Variants in USP34 observed in about 807,000 individuals in gnomAD.
USP34 encodes the protein ubiquitin carboxyl-terminal hydrolase 34.
Under a neutral mutation model 460.3 loss-of-function variants are expected in USP34, and 70 were observed. The ratio of observed to expected loss-of-function variants is 0.15; its 90% CI spans 0.13 to 0.19. The LOEUF (loss-of-function observed/expected upper bound fraction) is 0.19. Among genes scored for constraint, USP34 ranks in the 10% least tolerant of loss-of-function variants. The pLI is 1.00. For synonymous variants in USP34, 1,647 were observed against 1,405.3 expected (o/e 1.17, Z -3.85); for missense variants, 3,985 against 4,236.2 (o/e 0.94, Z 1.65).
chr2:61,402,016 C>G (rs1693736206), intron 3 of USP34, among the ~76,000 whole-genome samples: 1 of 151,678 alleles, frequency 6.6e-6, no homozygotes, highest in Non-Finnish European at 1.5e-5. Context: ...CTTTGGAGGT[C>G]AAGGCAGGAG....
At chr2:61,263,675 G>C (rs1480117309) in intron 43 of USP34, among the ~76,000 whole-genome samples, 1 of 151,260 alleles carries the variant, frequency 6.6e-6, no homozygotes. Context: ...GTAGAGATGG[G>C]GTTTCACCAT....
chr2:61,428,021 C>T (rs185658050), intron 1 of USP34, among the ~76,000 whole-genome samples: 1 of 151,802 alleles, frequency 6.6e-6, no homozygotes, highest in African/African-American at 2.4e-5. Context: ...AAAAACTAGC[C>T]GGGCATGGTG....
chr2:61,430,086 G>A (rs1694624334), intron 1 of USP34, among the ~76,000 whole-genome samples: 1 of 152,122 alleles, frequency 6.6e-6, no homozygotes, highest in African/African-American at 2.4e-5. Context: ...GTGGTGGTGG[G>A]CACCTGTAGT....
At chr2:61,434,467 G>GT (rs1430859307) in intron 1 of USP34, among the ~76,000 whole-genome samples, 2 of 152,170 alleles carry the variant, frequency 1.3e-5, no homozygotes, top group Non-Finnish European at 1.5e-5. Context: ...CCTGGCCAGA[G>GT]TAACAGTCCT....
At chr2:61,279,089 G>C (rs1049318382) in intron 39 of USP34, among the ~76,000 whole-genome samples, 1 of 150,662 alleles carries the variant, frequency 6.6e-6, no homozygotes, top group East Asian at 1.9e-4. Context: ...AAATGGGCAA[G>C]CCCAGGTTGT....
rs571618904 is a variant in USP34 at position 61,356,748 on chromosome 2, T to C, written c.1252-6055A>G. On this transcript the variant is annotated intron_variant, in intron 10 of 79. Transcript: ENST00000398571. ...ATGAGGAGAGTTGTTGTTCAATGGGTACAGAGTTTCAGTTTTGCAATATAA... is the reference window on the plus strand; with the variant it reads ...ATGAGGAGAGTTGTTGTTCAATGGGCACAGAGTTTCAGTTTTGCAATATAA... Among the ~76,000 whole-genome samples the C allele has an allele frequency of 6.6e-5, 10 of 152,322 alleles. No individual in the cohort carries two copies. In the South Asian group the frequency reaches 1.0e-3, roughly 16 times the overall value.
chr2:61,368,797 G>A (rs1029809545), intron 10 of USP34, among the ~76,000 whole-genome samples: 5 of 152,092 alleles, frequency 3.3e-5, no homozygotes, highest in African/African-American at 1.2e-4. Flanking sequence ...GTTGTGAATG[G>A]AGAAGGCATT....
intron 33 of USP34, among the ~76,000 whole-genome samples, chr2:61,292,649 T>C (rs1253455515): frequency 6.6e-6 from 1 of 151,990 alleles, no homozygotes; most frequent in Non-Finnish European, 1.5e-5. Context: ...TCAAAGGCAA[T>C]TCAAAAAAAG....
At chr2:61,241,480 C>A (rs1688257789) in intron 53 of USP34, 80 bp downstream of exon 53, 1 of 996,108 alleles carries the variant, frequency 1.0e-6, no homozygotes. Flanking sequence ...ACCTGTAGAA[C>A]CTGTTCTTAC....
At chr2:61,391,879 T>A (rs1234523425) in intron 5 of USP34, among the ~76,000 whole-genome samples, 2 of 152,124 alleles carry the variant, frequency 1.3e-5, no homozygotes, top group African/African-American at 2.4e-5. Context: ...AGATGCCTAT[T>A]AAAGAGTTAC....
At chr2:61,312,946 T>A (rs1311232554) in intron 25 of USP34, among the ~76,000 whole-genome samples, 1 of 152,220 alleles carries the variant, frequency 6.6e-6, no homozygotes, top group Non-Finnish European at 1.5e-5. Flanking sequence ...AAGACATTAT[T>A]GTTTATTCCC....
chr2:61,377,531 A>C (rs1692832729), intron 8 of USP34, among the ~76,000 whole-genome samples: 1 of 152,134 alleles, frequency 6.6e-6, no homozygotes, highest in South Asian at 2.1e-4. Flanking sequence ...TGGAGCCTTC[A>C]TGAATGGGAT....
intron 38 of USP34, 75 bp downstream of exon 38, chr2:61,281,015 A>C: frequency 4.1e-6 from 6 of 1,469,354 alleles, no homozygotes; most frequent in Non-Finnish European, 5.5e-6. Context: ...AATTTTAAGG[A>C]TATATTACAA....
At chr2:61,260,584 A>C (rs1323797327) in intron 43 of USP34, among the ~76,000 whole-genome samples, 1 of 152,222 alleles carries the variant, frequency 6.6e-6, no homozygotes, top group Non-Finnish European at 1.5e-5. Flanking sequence ...AATTGAAGTC[A>C]AGATATGGAC....
At chr2:61,193,661 A>G (rs1686707769) in intron 75 of USP34, among the ~76,000 whole-genome samples, 3 of 152,216 alleles carry the variant, frequency 2.0e-5, no homozygotes, top group Non-Finnish European at 4.4e-5. Context: ...AAAGTACAGA[A>G]GCTTCATTAC....
chr2:61,348,956 C>A, intron 13 of USP34, 70 bp from the exon 14 acceptor site: 2 of 1,483,568 alleles, frequency 1.3e-6, no homozygotes, highest in Non-Finnish European at 9.0e-7. Context: ...ATGACATTAT[C>A]ATTTGATTCC....
intron 33 of USP34, 73 bp downstream of exon 33, chr2:61,293,391 C>G (rs1689922616): frequency 2.6e-6 from 3 of 1,164,822 alleles, no homozygotes; most frequent in Non-Finnish European, 3.7e-6. Flanking sequence ...AAAAGCTATA[C>G]TTGCTGATGA....
At chr2:61,242,992 G>A (rs373429533) in intron 51 of USP34, among the ~76,000 whole-genome samples, 3 of 151,828 alleles carry the variant, frequency 2.0e-5, no homozygotes, top group East Asian at 3.9e-4. Flanking sequence ...ACAGGTGCCC[G>A]CTATCAAACC....
chr2:61,228,778 T>C (rs375246494), intron 60 of USP34, 49 bp downstream of exon 60: 16 of 1,591,594 alleles, frequency 1.0e-5, no homozygotes, highest in East Asian at 2.2e-5. Flanking sequence ...AAGTTGCAAA[T>C]ACTGAAAAAA....
Sources: gnomAD v4.1 joint callset for allele counts (sites outside exome capture counted in the v4.1 genomes callset) on GRCh38, gnomAD v4.1.1 for gene constraint, MANE v1.5 for transcripts, NCBI Gene and HGNC (gene_info 2026-07-23, HGNC 2026-07-21) for gene names.